Variants in NCOA7 observed in about 807,000 individuals in gnomAD.
NCOA7 encodes nuclear receptor coactivator 7, also known as 140 kDa estrogen receptor-associated protein.
Under a neutral mutation model 104.3 loss-of-function variants are expected in NCOA7, and 45 were observed. That is an observed-to-expected ratio of 0.43 (90% CI 0.34 to 0.55). The LOEUF is 0.55. Ranked by LOEUF, NCOA7 falls within the 20% of genes least tolerant of loss-of-function variation. The pLI, the probability that NCOA7 is intolerant of heterozygous loss-of-function variation, is 0.02. For synonymous variants in NCOA7, 398 were observed against 402.3 expected (o/e 0.99, Z 0.13); for missense variants, 1,041 against 1,119.7 (o/e 0.93, Z 1.00).
At chr6:125,913,836 T>C (rs1293885388) in intron 10 of NCOA7, 2 of 177,694 alleles carry the variant, frequency 1.1e-5, no homozygotes, top group Non-Finnish European at 1.1e-5. Context: ...ATACCACATA[T>C]CACAGAAATC....
chr6:125,906,309 C>T (rs544621593), intron 10 of NCOA7, among the ~76,000 whole-genome samples: 19 of 151,934 alleles, frequency 1.3e-4, no homozygotes, highest in South Asian at 1.2e-3. Context: ...TCTTCCATTC[C>T]GAGAGGAGGC....
intron 1 of NCOA7, among the ~76,000 whole-genome samples, chr6:125,795,126 G>A (rs1021668072): frequency 6.6e-6 from 1 of 152,206 alleles, no homozygotes; most frequent in Non-Finnish European, 1.5e-5. Context: ...ACATCGACAT[G>A]ATAAGTTAGG....
At position 125,907,847 on chromosome 6, in the gene NCOA7, T is replaced by C. The variant is rs567083472; in HGVS notation, c.2097-7486T>C. Among the ~76,000 whole-genome samples, 16 of 152,348 alleles carry C rather than the reference T, an allele frequency of 1.1e-4. No individual in the cohort carries two copies. The South Asian group carries it at 3.1e-3, about 30-fold the overall frequency. On this transcript the variant is annotated intron_variant, in intron 10 of 15. Coordinates refer to ENST00000392477, the MANE Select transcript of NCOA7 (RefSeq NM_181782.5). ...CCTTGAGGCAGGAAATCACAGCTTT[T>C]CTTTTTAGGTAGATGGTATATTTTA...
Position 125,882,395 on chromosome 6 carries a change from A to G in NCOA7, c.574-31A>G, listed in dbSNP as rs750071941. 7 of 1,607,502 alleles carry G rather than the reference A, an allele frequency of 4.4e-6. No homozygotes were observed. In the African/African-American group the frequency reaches 5.4e-5, roughly 12 times the overall value. On this transcript the variant is annotated intron_variant, in intron 6 of 15. Transcript: ENST00000392477. ...CATAATTTGTTTGAAAAGTGCTTTT[A>G]TTTGATTTTGAAATTTTTTGCTTTC...
intron 3 of NCOA7, among the ~76,000 whole-genome samples, chr6:125,857,704 G>A (rs924540473): frequency 6.6e-6 from 1 of 151,954 alleles, no homozygotes; most frequent in African/African-American, 2.4e-5. Flanking sequence ...GGGATAACAG[G>A]TGCACACCAT....
At chr6:125,801,808 C>T (rs948430345) in intron 1 of NCOA7, among the ~76,000 whole-genome samples, 1 of 152,200 alleles carries the variant, frequency 6.6e-6, no homozygotes, top group Non-Finnish European at 1.5e-5. Flanking sequence ...ATTAGGGCAC[C>T]ACACCACTCC....
intron 3 of NCOA7, among the ~76,000 whole-genome samples, chr6:125,856,416 G>A (rs1395708566): frequency 3.3e-5 from 5 of 151,980 alleles, no homozygotes; most frequent in Admixed American, 6.5e-5. Context: ...GCAGTGGCGC[G>A]ATCTCGGCTC....
chr6:125,846,236 G>A (rs1780594683), intron 2 of NCOA7, among the ~76,000 whole-genome samples: 1 of 151,822 alleles, frequency 6.6e-6, no homozygotes, highest in Non-Finnish European at 1.5e-5. Flanking sequence ...TTGGCTTCTG[G>A]ACTTTTCCAG....
chr6:125,897,392 T>C (rs1380535207), intron 10 of NCOA7, among the ~76,000 whole-genome samples: 2 of 152,226 alleles, frequency 1.3e-5, no homozygotes, highest in Admixed American at 6.5e-5. Flanking sequence ...TAGTTAAATA[T>C]GTTTCATACT....
upstream of NCOA7, chr6:125,786,055 A>G (rs927233360): frequency 2.0e-5 from 3 of 152,214 alleles, no homozygotes; most frequent in African/African-American, 7.2e-5. Flanking sequence ...ATAATTAACC[A>G]GTAGACAAAT....
At chr6:125,819,704 T>C (rs1777984391) in intron 2 of NCOA7, among the ~76,000 whole-genome samples, 1 of 152,230 alleles carries the variant, frequency 6.6e-6, no homozygotes, top group South Asian at 2.1e-4. Context: ...CTGGGGTGAC[T>C]ATCATGTGTC....
intron 1 of NCOA7, among the ~76,000 whole-genome samples, chr6:125,808,696 A>G (rs1207303916): frequency 6.6e-6 from 1 of 152,096 alleles, no homozygotes; most frequent in South Asian, 2.1e-4. Flanking sequence ...ACTAAAATGC[A>G]TTTGTCTGTT....
At chr6:125,874,651 T>G (rs1427179816) in intron 3 of NCOA7, among the ~76,000 whole-genome samples, 1 of 152,248 alleles carries the variant, frequency 6.6e-6, no homozygotes, top group Non-Finnish European at 1.5e-5. Flanking sequence ...AAACCATTAG[T>G]AACTAAACAT....
At chr6:125,890,560 G>A in intron 9 of NCOA7, 82 bp from the exon 10 acceptor site, 2 of 1,326,370 alleles carry the variant, frequency 1.5e-6, no homozygotes, top group Non-Finnish European at 2.1e-6. Context: ...AGAGGATTGT[G>A]CACTATTTTT....
At chr6:125,818,992 T>C (rs539369699) in intron 2 of NCOA7, 38 of 152,328 alleles carry the variant, frequency 2.5e-4, no homozygotes, top group African/African-American at 8.4e-4. Flanking sequence ...ACTGGTGTTC[T>C]GAGGAAGTCA....
intron 1 of NCOA7, chr6:125,798,044 T>A (rs1175136983): frequency 2.6e-5 from 4 of 152,172 alleles, no homozygotes; most frequent in African/African-American, 4.8e-5. Context: ...AAAAAGTCAG[T>A]TACAATGCTG....
chr6:125,906,696 C>T (rs552062990), intron 10 of NCOA7, among the ~76,000 whole-genome samples: 1 of 151,832 alleles, frequency 6.6e-6, no homozygotes, highest in African/African-American at 2.4e-5. Context: ...GGGGTCAGGG[C>T]GGGAGCATAG....
chr6:125,807,175 A>G (rs1776544781), intron 1 of NCOA7, among the ~76,000 whole-genome samples: 2 of 152,356 alleles, frequency 1.3e-5, no homozygotes, highest in Admixed American at 6.5e-5. Flanking sequence ...TATCAAGCCT[A>G]AATCATCTAT....
chr6:125,843,659 C>T (rs759258388), intron 2 of NCOA7, among the ~76,000 whole-genome samples: 4 of 152,034 alleles, frequency 2.6e-5, no homozygotes, highest in Non-Finnish European at 5.9e-5. Context: ...TATTTGTAGG[C>T]CTTTTTGTTG....
Sources: gnomAD v4.1 joint callset for allele counts (sites outside exome capture counted in the v4.1 genomes callset) on GRCh38, gnomAD v4.1.1 for gene constraint, MANE v1.5 for transcripts, NCBI Gene and HGNC (gene_info 2026-07-23, HGNC 2026-07-21) for gene names.